PXK: variants seen among roughly 807,000 people sequenced by gnomAD.
PXK encodes the protein PX domain-containing protein kinase-like protein.
Under a neutral mutation model 84.7 loss-of-function variants are expected in PXK, and 35 were observed. That is an observed-to-expected ratio of 0.41 (90% confidence interval 0.32 to 0.55). PXK has a LOEUF of 0.55. Ranked by LOEUF, PXK falls within the 20% of genes least tolerant of loss-of-function variation. The probability of loss-of-function intolerance (pLI) is 0.21; values close to 1 mark genes in which losing one functional copy is unlikely to be tolerated. For missense variants in PXK, 634 were observed against 699.7 expected (o/e 0.91, Z 1.06); for synonymous variants, 253 against 260.8 (o/e 0.97, Z 0.29).
rs774342467 is a variant in PXK at position 58,395,807 on chromosome 3, G to T, written c.822+48G>T. 5.4e-6 allele frequency: 8 copies of T among 1,479,642 alleles called. No individual in the cohort carries two copies. In the South Asian group the frequency reaches 7.1e-5, roughly 13 times the overall value. 91.7% of individuals were successfully genotyped at this position (1,479,642 alleles called of 1,614,324 possible). A position where few individuals can be genotyped will look rare whatever the true frequency, so the allele number is the denominator to read the frequency against. On this transcript the variant is annotated intron_variant, in intron 9 of 17. Coordinates refer to ENST00000356151, the MANE Select transcript of PXK (RefSeq NM_017771.5). ...TTGCATTCAGATTTCATCCAAAATT[G>T]CATTATTCACCTGGAAAAGTTCTTA...
Position 58,425,110 on chromosome 3 carries a change from G to A in PXK, c.*150G>A, listed in dbSNP as rs1162769305. On this transcript the variant is annotated 3_prime_UTR_variant, in exon 18 of 18. Transcript: ENST00000356151. Reference sequence around the variant, plus strand: ...CAGATGCTCATGTAAGCAGCTTTTCGAGAGAAATAATTCTTTAAGCAGAAT... The same window carrying A: ...CAGATGCTCATGTAAGCAGCTTTTCAAGAGAAATAATTCTTTAAGCAGAAT... 7 of 1,176,708 alleles carry A rather than the reference G, an allele frequency of 5.9e-6. No individual in the cohort carries two copies. The highest frequency in any genetic ancestry group is 1.6e-5 in the South Asian group (1 of 61,454). The allele number at this position is 1,176,708 out of a possible 1,614,324, so 72.9% of individuals were successfully genotyped here. A position where few individuals can be genotyped will look rare whatever the true frequency, so the allele number is the denominator to read the frequency against.
At chr3:58,354,447 A>AATTT (rs1559898591) in intron 1 of PXK, among the ~76,000 whole-genome samples, 2 of 141,312 alleles carry the variant, frequency 1.4e-5, no homozygotes, top group Non-Finnish European at 3.0e-5. Context: ...GCTGCTTCCT[A>AATTT]GTTTTTTTTT....
chr3:58,356,219 G>A (rs906187436), intron 1 of PXK, among the ~76,000 whole-genome samples: 9 of 152,190 alleles, frequency 5.9e-5, no homozygotes, highest in African/African-American at 2.2e-4. Context: ...CAGCCTCCCT[G>A]GCATGCCAAG....
At chr3:58,340,119 A>AT (rs547721745) in intron 1 of PXK, among the ~76,000 whole-genome samples, 24,707 of 125,746 alleles carry the variant, frequency 0.2, 2,715 homozygotes, top group African/African-American at 0.28. Context: ...CGCCTGGCCG[A>AT]TTTTTTTTTT....
intron 1 of PXK, among the ~76,000 whole-genome samples, chr3:58,353,133 A>T (rs878886021): frequency 1.3e-5 from 2 of 151,952 alleles, no homozygotes; most frequent in Admixed American, 1.3e-4. Flanking sequence ...AATAGCTGGG[A>T]CTACAGGCGC....
rs1487169947 is a variant in PXK at position 58,383,542 on chromosome 3, T to C, written c.388+842T>C. On this transcript the variant is annotated intron_variant, in intron 4 of 17. Coordinates refer to ENST00000356151, the MANE Select transcript of PXK (RefSeq NM_017771.5). The surrounding 1 kb of genome is among the most constrained non-coding windows in gnomAD (Gnocchi z 4.0). ...CCTGAGACCCACTCAGTGCAAAGCA[T>C]AGGAGGTCATTCTCTTCCAAATCTT... is the stretch of plus-strand genomic sequence containing the variant. Among the ~76,000 whole-genome samples the C allele has an allele frequency of 1.3e-5, 2 of 152,198 alleles. No individual in the cohort carries two copies. The highest frequency in any genetic ancestry group is 6.5e-5 in the Admixed American group (1 of 15,278).
chr3:58,368,185 A>G (rs573879859), intron 2 of PXK, among the ~76,000 whole-genome samples: 12 of 151,994 alleles, frequency 7.9e-5, no homozygotes, highest in Non-Finnish European at 1.6e-4. Context: ...CCTCCTGGGT[A>G]TGGGGCAGGA....
chr3:58,378,201 GTCAGGCT>G (rs2098459937), intron 3 of PXK, among the ~76,000 whole-genome samples: 1 of 152,180 alleles, frequency 6.6e-6, no homozygotes, highest in Non-Finnish European at 1.5e-5. Flanking sequence ...AATTCTGGCA[GTCAGGCT>G]TCAGACTTTT....
At chr3:58,360,385 G>C (rs555966076) in intron 1 of PXK, among the ~76,000 whole-genome samples, 1 of 152,152 alleles carries the variant, frequency 6.6e-6, no homozygotes, top group Non-Finnish European at 1.5e-5. Context: ...TAGTTACCAG[G>C]TTAACGTCTC....
In PXK at chr3:58,419,440, A is replaced by G. The variant is rs1430009989; in HGVS notation, c.1529-5312A>G. On this transcript the variant is annotated intron_variant, in intron 17 of 17. Coordinates refer to ENST00000356151, the MANE Select transcript of PXK (RefSeq NM_017771.5). ...CTACTTTTTTGTAGTTTTAGTAGACACAGGGTTTCGCCATGTTGGCCAGGC... is the reference window on the plus strand; with the variant it reads ...CTACTTTTTTGTAGTTTTAGTAGACGCAGGGTTTCGCCATGTTGGCCAGGC... Among the ~76,000 whole-genome samples, 5 of 152,188 alleles carry G rather than the reference A, an allele frequency of 3.3e-5. 1 individual carries two copies. The highest frequency in any genetic ancestry group is 1.2e-4 in the African/African-American group (5 of 41,456).
intron 1 of PXK, among the ~76,000 whole-genome samples, chr3:58,354,686 G>T (rs969904409): frequency 7.2e-5 from 11 of 151,988 alleles, no homozygotes; most frequent in African/African-American, 2.7e-4. Flanking sequence ...CTGACCTTGT[G>T]AATCGCCCAC....
At position 58,414,337 on chromosome 3, in the gene PXK, CCT is replaced by C. The variant is rs1353597427; in HGVS notation, c.1528+1375_1528+1376del. 9 of 152,122 alleles carry C rather than the reference CCT, an allele frequency of 5.9e-5. No individual in the cohort carries two copies. The highest frequency in any genetic ancestry group is 2.2e-4 in the African/African-American group (9 of 41,400). The allele number at this position is 152,122 out of a possible 1,614,324, so 9.4% of individuals were successfully genotyped here. On this transcript the variant is annotated intron_variant, in intron 17 of 17. Transcript: ENST00000356151. The surrounding 1 kb of genome is among the most constrained non-coding windows in gnomAD (Gnocchi z 4.5). Reference sequence around the variant, plus strand: ...GGCGTCTGTTTAAGGGTTCACAGCCCCTGTCTGTGTGGTTAGATCTGCCCCTG... The same window carrying C: ...GGCGTCTGTTTAAGGGTTCACAGCCCGTCTGTGTGGTTAGATCTGCCCCTG...
chr3:58,347,650 G>T (rs1487408726), intron 1 of PXK, among the ~76,000 whole-genome samples: 1 of 152,138 alleles, frequency 6.6e-6, no homozygotes, highest in Non-Finnish European at 1.5e-5. Flanking sequence ...GTTATTTCCA[G>T]TTTGGGGCTA....
chr3:58,378,826 G>A lies in PXK; in HGVS notation c.202-3688G>A, dbSNP rs185524839. On this transcript the variant is annotated intron_variant, in intron 3 of 17. Transcript: ENST00000356151. Reference sequence around the variant, plus strand: ...GCTGGGATTACAGGCGTGAGCCACCGCGCCCAGCCGGACTTCATTTTTTTA... The same window carrying A: ...GCTGGGATTACAGGCGTGAGCCACCACGCCCAGCCGGACTTCATTTTTTTA... Among the ~76,000 whole-genome samples, 487 of 151,912 alleles carry A rather than the reference G, an allele frequency of 3.2e-3. 2 individuals are homozygous for A. Among genetic ancestry groups the A allele is most frequent in the African/African-American group, 0.01 (425 of 41,406 alleles).
chr3:58,403,581 T>C (rs549166967), intron 12 of PXK, among the ~76,000 whole-genome samples: 1 of 152,342 alleles, frequency 6.6e-6, no homozygotes, highest in South Asian at 2.1e-4. Context: ...GCAAAAGTAA[T>C]TTCTTAAAAA....
chr3:58,351,285 C>T lies in PXK; in HGVS notation c.103-14589C>T, dbSNP rs373198125. Among the ~76,000 whole-genome samples the T allele has an allele frequency of 2.0e-4, 30 of 152,234 alleles. No individual in the cohort carries two copies. In the East Asian group the frequency reaches 4.6e-3, roughly 24 times the overall value. ...GCAGTGGTGCAATCACGGCTCACGG[C>T]AGCCTCCATCTCCCTGGGCTTAAAT... On this transcript the variant is annotated intron_variant, in intron 1 of 17. Coordinates refer to ENST00000356151, the MANE Select transcript of PXK (RefSeq NM_017771.5).
intron 3 of PXK, among the ~76,000 whole-genome samples, chr3:58,376,789 A>G (rs976124433): frequency 2.0e-4 from 31 of 152,044 alleles, no homozygotes; most frequent in African/African-American, 7.5e-4. Context: ...ACAGTCGTGT[A>G]CCACCATGCC....
At chr3:58,413,225 G>C in intron 17 of PXK, 2 of 535,770 alleles carry the variant, frequency 3.7e-6, no homozygotes, top group Middle Eastern at 5.1e-4. Flanking sequence ...TTGCTGAAAA[G>C]CTTCATGCAG....
chr3:58,399,272 C>T lies in PXK; in HGVS notation c.1103-27C>T. ...GGATTTGCCAGCGTGTTCTGTGGAA[C>T]TAAAATGTGTATCTGTTCATTTCAA... On this transcript the variant is annotated intron_variant, in intron 11 of 17. Coordinates refer to ENST00000356151, the MANE Select transcript of PXK (RefSeq NM_017771.5). This position sits in a 1 kb window ranked among gnomAD's most constrained non-coding sequence, Gnocchi z 4.3. The T allele has an allele frequency of 6.2e-7, 1 of 1,607,374 alleles. No individual in the cohort carries two copies. Among genetic ancestry groups the T allele is most frequent in the Non-Finnish European group, 8.5e-7 (1 of 1,173,874 alleles).
Sources: gnomAD v4.1 joint callset for allele counts (sites outside exome capture counted in the v4.1 genomes callset) on GRCh38, gnomAD v4.1.1 for gene constraint, Gnocchi (gnomAD v3.1) non-coding constraint, MANE v1.5 for transcripts, NCBI Gene and HGNC (gene_info 2026-07-23, HGNC 2026-07-21) for gene names.